LIN52: variants seen among roughly 807,000 people sequenced by gnomAD.
The protein encoded by LIN52 is protein lin-52 homolog.
LIN52 carries 4 observed loss-of-function variants against 18.5 expected under a neutral mutation model. That is an observed-to-expected ratio of 0.22 (90% CI 0.11 to 0.49). LIN52 has a LOEUF of 0.49. Ranked by LOEUF, LIN52 falls within the 20% of genes least tolerant of loss-of-function variation. The pLI is 0.97. For missense variants in LIN52, 102 were observed against 139.5 expected, an observed-to-expected ratio of 0.73 and a Z score of 1.35; for synonymous variants, 34 against 45.5, an observed-to-expected ratio of 0.75 and a Z score of 1.02.
chr14:74,143,473 G>C (rs1595173478), intron 5 of LIN52, among the ~76,000 whole-genome samples: 1 of 152,282 alleles, frequency 6.6e-6, no homozygotes, highest in Non-Finnish European at 1.5e-5. Context: ...GGATGCATTT[G>C]AGCCCAAGAA....
intron 5 of LIN52, among the ~76,000 whole-genome samples, chr14:74,168,224 A>G (rs1359898213): frequency 6.6e-6 from 1 of 152,262 alleles, no homozygotes; most frequent in African/African-American, 2.4e-5. Flanking sequence ...CAAAATAAAC[A>G]GCCAGTGTCC....
intron 5 of LIN52, among the ~76,000 whole-genome samples, chr14:74,114,805 T>C (rs1434978418): frequency 1.3e-5 from 2 of 152,234 alleles, no homozygotes; most frequent in African/African-American, 4.8e-5. Context: ...GAAATCAATA[T>C]GTGAAATAGG....
chr14:74,110,214 A>T (rs2060918340), intron 5 of LIN52, among the ~76,000 whole-genome samples: 1 of 152,150 alleles, frequency 6.6e-6, no homozygotes, highest in South Asian at 2.1e-4. Context: ...GTTTAATGGG[A>T]CTGTTATTTG....
chr14:74,160,929 T>C (rs896644740), intron 5 of LIN52, among the ~76,000 whole-genome samples: 1 of 152,234 alleles, frequency 6.6e-6, no homozygotes, highest in Non-Finnish European at 1.5e-5. Flanking sequence ...TTTCATCTTT[T>C]GCGTTCTCGT....
intron 5 of LIN52, among the ~76,000 whole-genome samples, chr14:74,130,295 T>TTTTTTTTTTTTTTTTC (rs1315000657): frequency 1.4e-5 from 2 of 140,274 alleles, no homozygotes; most frequent in Non-Finnish European, 3.1e-5. Flanking sequence ...TTTTTTTTTT[T>TTTTTTTTTTTTTTTTC]TGAGACAGTC....
intron 5 of LIN52, among the ~76,000 whole-genome samples, chr14:74,183,825 C>T (rs1458499938): frequency 4.6e-5 from 7 of 152,032 alleles, no homozygotes; most frequent in Admixed American, 4.6e-4. Context: ...CAGAAGATCC[C>T]CCCTTTTTTG....
intron 5 of LIN52, among the ~76,000 whole-genome samples, chr14:74,110,416 C>T (rs574859162): frequency 3.3e-5 from 5 of 152,268 alleles, no homozygotes; most frequent in South Asian, 4.1e-4. Flanking sequence ...TGGTGGCTCA[C>T]GCTTGTAATC....
At chr14:74,137,106 T>A (rs2061101686) in intron 5 of LIN52, among the ~76,000 whole-genome samples, 4 of 150,982 alleles carry the variant, frequency 2.6e-5, no homozygotes, top group African/African-American at 9.7e-5. Flanking sequence ...TATGAAAAAA[T>A]TTTGATCACC....
chr14:74,113,670 T>A (rs188458426), intron 5 of LIN52, among the ~76,000 whole-genome samples: 11 of 152,326 alleles, frequency 7.2e-5, no homozygotes. Flanking sequence ...TGTGAAATGT[T>A]CTTTAAAAAG....
At chr14:74,119,416 G>C (rs1315996798) in intron 5 of LIN52, among the ~76,000 whole-genome samples, 1 of 151,932 alleles carries the variant, frequency 6.6e-6, no homozygotes, top group African/African-American at 2.4e-5. Flanking sequence ...CGCCCGCCTT[G>C]GCCTCCCAAA....
intron 2 of LIN52, among the ~76,000 whole-genome samples, chr14:74,091,575 C>A (rs1373816479): frequency 6.6e-6 from 1 of 151,084 alleles, no homozygotes; most frequent in Admixed American, 6.6e-5. Context: ...TTGAGACCAG[C>A]GTGGCCAACA....
At position 74,137,560 on chromosome 14, in the gene LIN52, G is replaced by A. The variant is rs553478011; in HGVS notation, c.283+36322G>A. On this transcript the variant is annotated intron_variant, in intron 5 of 5. Transcript: ENST00000555028. Reference sequence around the variant, plus strand: ...GTTGCCCAGGCTGGAGTGCAGTGGCGCGATCTCAGCTCACCACAACCTCTC... The same window carrying A: ...GTTGCCCAGGCTGGAGTGCAGTGGCACGATCTCAGCTCACCACAACCTCTC... Among the ~76,000 whole-genome samples the A allele has an allele frequency of 7.5e-5, 11 of 146,468 alleles. 1 individual carries two copies. The South Asian group carries it at 1.3e-3, about 17-fold the overall frequency.
chr14:74,160,942 G>A (rs185195134), intron 5 of LIN52, among the ~76,000 whole-genome samples: 1 of 152,282 alleles, frequency 6.6e-6, no homozygotes, highest in East Asian at 1.9e-4. Flanking sequence ...GTTCTCGTCA[G>A]CCACTAATCT....
chr14:74,193,466 T>C lies in LIN52; in HGVS notation c.284-5456T>C, dbSNP rs200100791. 9.9e-5 allele frequency among the ~76,000 whole-genome samples: 15 copies of C among 152,170 alleles called. No homozygotes were observed. In the East Asian group the frequency reaches 2.9e-3, roughly 29 times the overall value. ...ACCTTGTTAAATTTGAGAATTTTGG[T>C]GTTTTTCACGTGTCATTCTAAAACC... On this transcript the variant is annotated intron_variant, in intron 5 of 5. Transcript: ENST00000555028.
chr14:74,191,113 C>A (rs191253091), intron 5 of LIN52, among the ~76,000 whole-genome samples: 142 of 152,352 alleles, frequency 9.3e-4, no homozygotes, highest in Non-Finnish European at 1.5e-3. Context: ...AACTGCTCTG[C>A]TGTACACCAG....
chr14:74,127,866 C>T (rs932820871), intron 5 of LIN52, among the ~76,000 whole-genome samples: 5 of 152,010 alleles, frequency 3.3e-5, no homozygotes, highest in African/African-American at 1.2e-4. Flanking sequence ...CATGAACCAC[C>T]ACGCCTGTCT....
intron 5 of LIN52, among the ~76,000 whole-genome samples, chr14:74,184,047 T>C (rs1174474481): frequency 6.6e-6 from 1 of 152,142 alleles, no homozygotes. Context: ...TTCCTCTGGA[T>C]TTTTTCCCCA....
chr14:74,160,022 C>CT (rs1286025476), intron 5 of LIN52, among the ~76,000 whole-genome samples: 1 of 152,158 alleles, frequency 6.6e-6, no homozygotes, highest in Admixed American at 6.5e-5. Context: ...TAAGAGATCT[C>CT]TGTTATGGAT....
At chr14:74,162,006 G>A (rs1425500185) in intron 5 of LIN52, among the ~76,000 whole-genome samples, 1 of 152,176 alleles carries the variant, frequency 6.6e-6, no homozygotes, top group Non-Finnish European at 1.5e-5. Context: ...AGGGCAAAGG[G>A]TGAGTTAGGA....
Sources: gnomAD v4.1 joint callset for allele counts (sites outside exome capture counted in the v4.1 genomes callset) on GRCh38, gnomAD v4.1.1 for gene constraint, MANE v1.5 for transcripts, NCBI Gene and HGNC (gene_info 2026-07-23, HGNC 2026-07-21) for gene names.